ACOXL: variants seen among roughly 807,000 people sequenced by gnomAD.
ACOXL encodes the protein acyl-coenzyme A oxidase-like protein.
Under a neutral mutation model 71.9 loss-of-function variants are expected in ACOXL, and 70 were observed. The observed-to-expected ratio is 0.97, with a 90% CI of 0.80 to 1.19. The LOEUF is 1.19. Among genes scored for constraint, ACOXL ranks in the 50% most tolerant of loss-of-function variants. The probability of loss-of-function intolerance (pLI) is 0.00; values close to 1 mark genes in which losing one functional copy is unlikely to be tolerated. For missense variants in ACOXL, 703 were observed against 736.3 expected, an observed-to-expected ratio of 0.95 and a Z score of 0.52; for synonymous variants, 253 against 281.6, an observed-to-expected ratio of 0.90 and a Z score of 1.02.
At chr2:110,893,341 A>G (rs1037012569) in intron 10 of ACOXL, among the ~76,000 whole-genome samples, 1 of 150,990 alleles carries the variant, frequency 6.6e-6, no homozygotes, top group South Asian at 2.1e-4. Flanking sequence ...CATAGCTAAT[A>G]ATTAATATGC....
At chr2:110,844,134 G>C (rs532845082) in intron 10 of ACOXL, among the ~76,000 whole-genome samples, 6 of 152,334 alleles carry the variant, frequency 3.9e-5, no homozygotes, top group African/African-American at 1.4e-4. Flanking sequence ...CAGCATGAGG[G>C]CTTTCTAGGC....
At chr2:111,002,986 A>G (rs1180734632) in intron 14 of ACOXL, among the ~76,000 whole-genome samples, 1 of 152,192 alleles carries the variant, frequency 6.6e-6, no homozygotes, top group Non-Finnish European at 1.5e-5. Context: ...AGGATGTTCA[A>G]TCCGTATTAG....
intron 5 of ACOXL, among the ~76,000 whole-genome samples, chr2:110,795,063 C>T (rs1350067242): frequency 6.6e-6 from 1 of 152,140 alleles, no homozygotes; most frequent in Non-Finnish European, 1.5e-5. Context: ...TGTTGAGGTA[C>T]TTTCTAGAAA....
chr2:110,888,039 T>C (rs1444310432), intron 10 of ACOXL: 1 of 152,198 alleles, frequency 6.6e-6, no homozygotes, highest in East Asian at 1.9e-4. Context: ...CTGATAAATA[T>C]TTAGTGTAGT....
chr2:110,850,840 C>T lies in ACOXL; in HGVS notation c.788+9435C>T, dbSNP rs117557420. ...GATACTTAAAGGAGAGAAATGAAAA[C>T]GTTAGTGCACACCAAGACGTGTATG... On this transcript the variant is annotated intron_variant, in intron 10 of 17. Coordinates refer to ENST00000439055, the MANE Select transcript of ACOXL (RefSeq NM_001142807.4). Among the ~76,000 whole-genome samples, 15 of 152,286 alleles carry T rather than the reference C, an allele frequency of 9.8e-5. No homozygotes were observed. In the East Asian group the frequency reaches 1.9e-3, roughly 20 times the overall value.
chr2:110,834,282 C>T (rs1006844531), intron 9 of ACOXL, among the ~76,000 whole-genome samples: 2 of 152,202 alleles, frequency 1.3e-5, no homozygotes, highest in South Asian at 4.1e-4. Flanking sequence ...AAGGGATGCA[C>T]AGAATCCACA....
chr2:111,028,977 C>G (rs2065142117), intron 14 of ACOXL, among the ~76,000 whole-genome samples: 1 of 152,192 alleles, frequency 6.6e-6, no homozygotes, highest in Non-Finnish European at 1.5e-5. Flanking sequence ...CCTGGGCACC[C>G]TGTTCCAACT....
chr2:110,880,830 C>G (rs1318555756), intron 10 of ACOXL, among the ~76,000 whole-genome samples: 1 of 152,136 alleles, frequency 6.6e-6, no homozygotes, highest in African/African-American at 2.4e-5. Flanking sequence ...ACAACAACAA[C>G]AAGACTCCAT....
intron 1 of ACOXL, among the ~76,000 whole-genome samples, chr2:110,748,836 G>A (rs1308417865): frequency 1.3e-5 from 2 of 152,120 alleles, no homozygotes; most frequent in African/African-American, 4.8e-5. Flanking sequence ...GCTTGGCCGT[G>A]GTTTCACCTT....
At chr2:111,045,409 G>C (rs1472754619) in intron 15 of ACOXL, among the ~76,000 whole-genome samples, 1 of 152,188 alleles carries the variant, frequency 6.6e-6, no homozygotes, top group Non-Finnish European at 1.5e-5. Context: ...GCACAGACCT[G>C]TTCTCATAGT....
At chr2:111,088,818 C>T (rs1163502789) in intron 16 of ACOXL, among the ~76,000 whole-genome samples, 1 of 152,046 alleles carries the variant, frequency 6.6e-6, no homozygotes, top group Non-Finnish European at 1.5e-5. Context: ...ATATGGGAAA[C>T]TATACAATCT....
intron 10 of ACOXL, among the ~76,000 whole-genome samples, chr2:110,907,945 A>G (rs1320495769): frequency 6.6e-6 from 1 of 152,208 alleles, no homozygotes; most frequent in African/African-American, 2.4e-5. Context: ...CATGCTTGAT[A>G]ACATAGCACA....
At chr2:110,995,617 T>C (rs1226083143) in intron 13 of ACOXL, among the ~76,000 whole-genome samples, 1 of 151,586 alleles carries the variant, frequency 6.6e-6, no homozygotes, top group African/African-American at 2.4e-5. Flanking sequence ...ATGTAAAATA[T>C]TGAACACTAC....
intron 4 of ACOXL, 21 bp from the exon 5 acceptor site, chr2:110,794,055 C>G: frequency 1.2e-5 from 20 of 1,612,318 alleles, no homozygotes; most frequent in Non-Finnish European, 1.7e-5. Context: ...TAATTCCCTT[C>G]TAACATCTGG....
chr2:110,799,179 G>C, intron 7 of ACOXL, 79 bp downstream of exon 7: 1 of 1,406,574 alleles, frequency 7.1e-7, no homozygotes. Flanking sequence ...TCTAACCTAC[G>C]TTATATTACC....
rs574020105 is a variant in ACOXL, at chr2:110,968,685, G to A, written c.1060-18423G>A. 3 of 1,160,610 alleles carry A rather than the reference G, an allele frequency of 2.6e-6. No homozygotes were observed. In the East Asian group the frequency reaches 7.4e-5, roughly 29 times the overall value. The allele number at this position is 1,160,610 out of a possible 1,614,324, so 71.9% of individuals were successfully genotyped here. On this transcript the variant is annotated intron_variant, in intron 12 of 17. Transcript: ENST00000439055. ...GATCAGATAGCTCAAAAGAAGGCAA[G>A]CTTCCTCAGAGCTCAGGAGCGGGCT...
intron 16 of ACOXL, among the ~76,000 whole-genome samples, chr2:111,081,751 C>A (rs1386011154): frequency 1.3e-5 from 2 of 152,190 alleles, no homozygotes; most frequent in Admixed American, 6.5e-5. Context: ...CTGGAGGCAT[C>A]ACACTACCTG....
At chr2:110,808,587 C>G (rs1261045216) in intron 9 of ACOXL, among the ~76,000 whole-genome samples, 1 of 152,160 alleles carries the variant, frequency 6.6e-6, no homozygotes, top group Non-Finnish European at 1.5e-5. Flanking sequence ...CTCCACTGGG[C>G]CTCTGTCCCT....
chr2:110,913,502 G>A (rs1038987514), intron 11 of ACOXL, among the ~76,000 whole-genome samples: 9 of 152,106 alleles, frequency 5.9e-5, no homozygotes, highest in Admixed American at 2.6e-4. Flanking sequence ...GGAGCTACTC[G>A]CAAAAATCAT....
Sources: gnomAD v4.1 joint callset for allele counts (sites outside exome capture counted in the v4.1 genomes callset) on GRCh38, gnomAD v4.1.1 for gene constraint, MANE v1.5 for transcripts, NCBI Gene and HGNC (gene_info 2026-07-23, HGNC 2026-07-21) for gene names.